The following CCDC91 variants were observed in gnomAD, a reference collection of about 807,000 sequenced individuals.
CCDC91 encodes the protein coiled-coil domain containing 91, also known as coiled-coil domain-containing protein 91.
CCDC91 carries 48 observed loss-of-function variants against 63.2 expected under a neutral mutation model. The ratio of observed to expected loss-of-function variants is 0.76; its 90% CI spans 0.60 to 0.97. The LOEUF (loss-of-function observed/expected upper bound fraction) is 0.97, where lower values mean the gene tolerates loss of function less well. CCDC91 is among the 50% of genes least tolerant of loss of function. CCDC91 has a pLI of 0.00. For synonymous variants in CCDC91, 167 were observed against 165.8 expected (o/e 1.01, Z -0.06); for missense variants, 500 against 494.6 (o/e 1.01, Z -0.10).
intron 3 of CCDC91, among the ~76,000 whole-genome samples, chr12:28,303,065 C>A (rs7316831): frequency 0.37 from 55,922 of 151,764 alleles, 10,652 homozygotes; most frequent in South Asian, 0.45. Flanking sequence ...TAACAGGCAC[C>A]AAAGGAGGAG....
intron 8 of CCDC91, among the ~76,000 whole-genome samples, chr12:28,430,744 A>G (rs1473148793): frequency 7.2e-5 from 11 of 152,098 alleles, no homozygotes; most frequent in Non-Finnish European, 1.2e-4. Context: ...AGACATCTTT[A>G]TGTCATACTC....
At chr12:28,341,698 C>T (rs1288331297) in intron 6 of CCDC91, among the ~76,000 whole-genome samples, 1 of 152,144 alleles carries the variant, frequency 6.6e-6, no homozygotes, top group African/African-American at 2.4e-5. Context: ...GCTATTATTT[C>T]ATCATCCTCA....
chr12:28,330,893 A>C lies in CCDC91; in HGVS notation c.576+23144A>C, dbSNP rs571028190. 7.2e-5 allele frequency among the ~76,000 whole-genome samples: 11 copies of C among 152,306 alleles called. No individual in the cohort carries two copies. The East Asian group carries it at 2.1e-3, about 29-fold the overall frequency. ...CTCATACTTCAAAGTTTTGCCCTTT[A>C]AAAAACAAACCAAAAACCCCTCAGA... On this transcript the variant is annotated intron_variant, in intron 6 of 12. Transcript: ENST00000536442.
At chr12:28,384,791 T>G (rs1945501551) in intron 7 of CCDC91, among the ~76,000 whole-genome samples, 1 of 152,102 alleles carries the variant, frequency 6.6e-6, no homozygotes, top group African/African-American at 2.4e-5. Flanking sequence ...TCTGTCTTCA[T>G]TTGTAAGGCA....
At chr12:28,539,146 C>T (rs1334863678) in intron 12 of CCDC91, among the ~76,000 whole-genome samples, 1 of 152,078 alleles carries the variant, frequency 6.6e-6, no homozygotes, top group Non-Finnish European at 1.5e-5. Flanking sequence ...CTTTTGTTGC[C>T]ATTGCTTTTG....
chr12:28,442,767 C>T (rs1489847451), intron 8 of CCDC91, among the ~76,000 whole-genome samples: 2 of 151,810 alleles, frequency 1.3e-5, no homozygotes, highest in Non-Finnish European at 2.9e-5. Flanking sequence ...AACAAAAGAC[C>T]GTTTTTGAAA....
intron 1 of CCDC91, among the ~76,000 whole-genome samples, chr12:28,238,039 A>G (rs1200021586): frequency 6.6e-6 from 1 of 152,106 alleles, no homozygotes; most frequent in East Asian, 1.9e-4. Flanking sequence ...CATCATGTAC[A>G]TTCTTGGGGC....
rs1950025488 is a variant in CCDC91, at chr12:28,455,681, T to G, written c.1101+3027T>G. Among the ~76,000 whole-genome samples, 4 of 152,142 alleles carry G rather than the reference T, an allele frequency of 2.6e-5. No individual in the cohort carries two copies. In the South Asian group the frequency reaches 8.3e-4, roughly 31 times the overall value. On this transcript the variant is annotated intron_variant, in intron 11 of 12. Coordinates refer to ENST00000536442, the MANE Select transcript of CCDC91 (RefSeq NM_018318.5). ...CTAAAAAGGTATTTTTATGTTTTTT[T>G]TTTTCTTTGTAGCTTTGCCTGCAGA... is the stretch of plus-strand genomic sequence containing the variant.
chr12:28,304,637 A>G (rs1455284037), intron 3 of CCDC91: 7 of 1,268,550 alleles, frequency 5.5e-6, no homozygotes, highest in African/African-American at 4.6e-5. Context: ...GAAACATGCA[A>G]TTTTCATTGT....
intron 8 of CCDC91, among the ~76,000 whole-genome samples, chr12:28,434,594 GTT>G (rs376645678): frequency 6.9e-4 from 51 of 73,448 alleles, no homozygotes; most frequent in Non-Finnish European, 9.1e-4. Context: ...CCTTGGTCTG[GTT>G]TTTTTTTTTT....
At chr12:28,329,977 G>A (rs1312157817) in intron 6 of CCDC91, among the ~76,000 whole-genome samples, 2 of 152,124 alleles carry the variant, frequency 1.3e-5, no homozygotes, top group Non-Finnish European at 2.9e-5. Context: ...AGTATTCCAT[G>A]GTGTATATGT....
intron 1 of CCDC91, among the ~76,000 whole-genome samples, chr12:28,215,630 A>G (rs551599979): frequency 5.3e-5 from 8 of 152,244 alleles, no homozygotes; most frequent in African/African-American, 1.9e-4. Flanking sequence ...TAAGAAATAA[A>G]TGACTAAATA....
At chr12:28,409,715 A>AT (rs945036880) in intron 8 of CCDC91, among the ~76,000 whole-genome samples, 2 of 151,960 alleles carry the variant, frequency 1.3e-5, no homozygotes, top group Admixed American at 6.6e-5. Flanking sequence ...CTTTAGGTGC[A>AT]TTTTTCACAT....
intron 11 of CCDC91, among the ~76,000 whole-genome samples, chr12:28,469,155 T>A (rs545346581): frequency 2.0e-4 from 31 of 152,136 alleles, no homozygotes; most frequent in African/African-American, 7.5e-4. Flanking sequence ...TATAATTATT[T>A]TTTTTGCAGA....
chr12:28,296,245 C>T (rs763569904), intron 3 of CCDC91, among the ~76,000 whole-genome samples: 6 of 151,404 alleles, frequency 4.0e-5, no homozygotes, highest in Admixed American at 2.0e-4. Flanking sequence ...CAAAAGATTA[C>T]GAGGCCTCTT....
At chr12:28,525,927 G>A (rs896326019) in intron 12 of CCDC91, among the ~76,000 whole-genome samples, 12 of 151,860 alleles carry the variant, frequency 7.9e-5, no homozygotes, top group Non-Finnish European at 1.3e-4. Flanking sequence ...GCTCACTTTC[G>A]GTGTCCATTT....
chr12:28,320,823 T>G (rs1432842287), intron 6 of CCDC91, among the ~76,000 whole-genome samples: 2 of 151,926 alleles, frequency 1.3e-5, no homozygotes, highest in East Asian at 3.9e-4. Flanking sequence ...CCCAGTGTCT[T>G]TGTTGTCTTT....
chr12:28,398,555 G>A (rs1297926121), intron 8 of CCDC91, among the ~76,000 whole-genome samples: 11 of 150,746 alleles, frequency 7.3e-5, no homozygotes, highest in Non-Finnish European at 1.5e-4. Context: ...TGTGTCATAT[G>A]GTAAGTATAT....
intron 8 of CCDC91, among the ~76,000 whole-genome samples, chr12:28,425,756 A>G (rs1948279215): frequency 1.3e-5 from 2 of 152,194 alleles, no homozygotes; most frequent in Admixed American, 1.3e-4. Flanking sequence ...TTGGACCAGC[A>G]GGCTTCAGTA....
Sources: allele counts gnomAD v4.1 joint callset (sites outside exome capture counted in the v4.1 genomes callset), GRCh38; gene constraint gnomAD v4.1.1; transcripts MANE v1.5; gene names NCBI Gene and HGNC (gene_info 2026-07-23, HGNC 2026-07-21).